Variants in MINDY2 observed in about 807,000 individuals in gnomAD.
MINDY2 encodes the protein MINDY lysine 48 deubiquitinase 2, also known as ubiquitin carboxyl-terminal hydrolase MINDY-2.
In MINDY2, 52 loss-of-function variants were observed where a neutral mutation model predicts 68.2. The ratio of observed to expected loss-of-function variants is 0.76; its 90% CI spans 0.61 to 0.96. The LOEUF (loss-of-function observed/expected upper bound fraction) is 0.96. Among genes scored for constraint, MINDY2 ranks in the 40% least tolerant of loss-of-function variants. The pLI, the probability that MINDY2 is intolerant of heterozygous loss-of-function variation, is 0.00. For missense variants in MINDY2, 881 were observed against 773.4 expected (o/e 1.14, Z -1.65); for synonymous variants, 372 against 303.0 (o/e 1.23, Z -2.36).
At chr15:58,818,592 A>G (rs1263539692) in intron 4 of MINDY2, among the ~76,000 whole-genome samples, 2 of 151,666 alleles carry the variant, frequency 1.3e-5, no homozygotes, top group African/African-American at 4.8e-5. Flanking sequence ...CTGTCTATGA[A>G]TATTTGACAT....
chr15:58,844,559 CAAAAAAAAAAA>C (rs34592774), intron 6 of MINDY2, among the ~76,000 whole-genome samples: 1 of 66,910 alleles, frequency 1.5e-5, no homozygotes. Flanking sequence ...GACTCCGTCT[CAAAAAAAAAAA>C]AAAAAAAAAA....
At chr15:58,847,621 AC>A in intron 7 of MINDY2, 151 bp downstream of exon 7, 1 of 594,708 alleles carries the variant, frequency 1.7e-6, no homozygotes, top group African/African-American at 1.8e-5. Context: ...TGATCATTCT[AC>A]ATGTACATTA....
chr15:58,791,361 A>ATGC (rs1901899085), intron 2 of MINDY2, among the ~76,000 whole-genome samples: 1 of 151,094 alleles, frequency 6.6e-6, no homozygotes, highest in East Asian at 1.9e-4. Flanking sequence ...CACTAGCCAC[A>ATGC]TGCGGTCCTC....
rs770657499 is a variant in MINDY2, at chr15:58,854,440, A to C, written c.1738-42A>C. ...CTAGATAACCATGAGTAAGTCCCTC[A>C]GAATAGTTAGAGTAATTTCTTGCTG... On this transcript the variant is annotated intron_variant, in intron 8 of 8. Coordinates refer to ENST00000559228, the MANE Select transcript of MINDY2 (RefSeq NM_001040450.3). The C allele has an allele frequency of 8.8e-6, 14 of 1,588,440 alleles. No individual in the cohort carries two copies. The East Asian group carries it at 3.1e-4, about 36-fold the overall frequency.
At chr15:58,809,260 C>CA (rs1297862566) in intron 3 of MINDY2, among the ~76,000 whole-genome samples, 1 of 152,048 alleles carries the variant, frequency 6.6e-6, no homozygotes, top group Non-Finnish European at 1.5e-5. Flanking sequence ...TGGAAACAAC[C>CA]ATTCTGCTTT....
At chr15:58,777,625 C>CT (rs1166759915) in intron 1 of MINDY2, among the ~76,000 whole-genome samples, 2 of 151,144 alleles carry the variant, frequency 1.3e-5, no homozygotes, top group Admixed American at 1.3e-4. Flanking sequence ...GAAAAAAAAA[C>CT]TTTTTTTTAA....
chr15:58,776,530 T>A (rs2140891370), intron 1 of MINDY2, among the ~76,000 whole-genome samples: 1 of 152,378 alleles, frequency 6.6e-6, no homozygotes, highest in Non-Finnish European at 1.5e-5. Flanking sequence ...ACATTACTAT[T>A]GTCAAATGCA....
At chr15:58,851,343 G>A (rs2032800037) in intron 7 of MINDY2, among the ~76,000 whole-genome samples, 1 of 152,234 alleles carries the variant, frequency 6.6e-6, no homozygotes, top group African/African-American at 2.4e-5. Context: ...AAATACTTAG[G>A]AAGATAACTG....
intron 6 of MINDY2, among the ~76,000 whole-genome samples, chr15:58,839,908 C>T (rs1488924684): frequency 4.0e-5 from 6 of 151,468 alleles, no homozygotes; most frequent in East Asian, 1.9e-4. Context: ...TCTCAGCTCA[C>T]TGCAACCTCC....
chr15:58,797,537 C>T (rs1902363611), intron 2 of MINDY2, among the ~76,000 whole-genome samples: 2 of 152,026 alleles, frequency 1.3e-5, no homozygotes, highest in Admixed American at 1.3e-4. Context: ...ATTAATTTTA[C>T]CTGTTTATTT....
chr15:58,805,293 A>G (rs1248622690), intron 3 of MINDY2, among the ~76,000 whole-genome samples: 1 of 152,192 alleles, frequency 6.6e-6, no homozygotes, highest in Non-Finnish European at 1.5e-5. Context: ...AGTGTGATGT[A>G]ATAGTGTTCT....
At chr15:58,800,874 T>C (rs1488081002) in intron 2 of MINDY2, among the ~76,000 whole-genome samples, 1 of 150,190 alleles carries the variant, frequency 6.7e-6, no homozygotes, top group East Asian at 2.0e-4. Flanking sequence ...ATGTGCCATC[T>C]CAGTTACATC....
chr15:58,813,998 C>A (rs1398923529), intron 4 of MINDY2, among the ~76,000 whole-genome samples: 12 of 148,034 alleles, frequency 8.1e-5, no homozygotes, highest in African/African-American at 3.0e-4. Context: ...AGTGCAGTGG[C>A]ACAATCTTTG....
Position 58,859,329 on chromosome 15 carries a change from A to G in MINDY2, c.*4719A>G, listed in dbSNP as rs2033150757. On this transcript the variant is annotated 3_prime_UTR_variant, in exon 9 of 9. Transcript: ENST00000559228. ...GGTGGTATCAAATTACTAATACAGTATATAAACTTCGTTTGCATTGGTGGA... is the reference window on the plus strand; with the variant it reads ...GGTGGTATCAAATTACTAATACAGTGTATAAACTTCGTTTGCATTGGTGGA... 2 of 152,262 alleles carry G rather than the reference A, an allele frequency of 1.3e-5. No individual in the cohort carries two copies. The highest frequency in any genetic ancestry group is 4.1e-4 in the South Asian group (2 of 4,832). The allele number at this position is 152,262 out of a possible 1,614,324, so 9.4% of individuals were successfully genotyped here. A position where few individuals can be genotyped will look rare whatever the true frequency, so the allele number is the denominator to read the frequency against.
chr15:58,777,572 G>A (rs191468307), intron 1 of MINDY2, among the ~76,000 whole-genome samples: 1 of 152,090 alleles, frequency 6.6e-6, no homozygotes, highest in Non-Finnish European at 1.5e-5. Context: ...CCAGGAGTTT[G>A]AGACCAGCCT....
chr15:58,836,574 A>G (rs1325718403), intron 6 of MINDY2, among the ~76,000 whole-genome samples: 4 of 152,042 alleles, frequency 2.6e-5, no homozygotes, highest in Non-Finnish European at 5.9e-5. Flanking sequence ...TTTAGATAAG[A>G]CACTGCTTTA....
At chr15:58,826,959 T>A (rs150346838) in intron 5 of MINDY2, among the ~76,000 whole-genome samples, 1 of 152,168 alleles carries the variant, frequency 6.6e-6, no homozygotes, top group African/African-American at 2.4e-5. Flanking sequence ...TTTTGTCGTT[T>A]ATGACATTGA....
intron 1 of MINDY2, among the ~76,000 whole-genome samples, chr15:58,782,098 G>A (rs1901184900): frequency 6.6e-6 from 1 of 151,978 alleles, no homozygotes; most frequent in African/African-American, 2.4e-5. Flanking sequence ...CAGAATTAAA[G>A]GCATGTTAAA....
chr15:58,822,432 A>G (rs2031123926), intron 5 of MINDY2, among the ~76,000 whole-genome samples: 1 of 152,170 alleles, frequency 6.6e-6, no homozygotes, highest in Non-Finnish European at 1.5e-5. Context: ...ACTTTCTTAA[A>G]AAATGTTTAT....
Sources: allele counts gnomAD v4.1 joint callset (sites outside exome capture counted in the v4.1 genomes callset), GRCh38; gene constraint gnomAD v4.1.1; transcripts MANE v1.5; gene names NCBI Gene and HGNC (gene_info 2026-07-23, HGNC 2026-07-21).